Variants in OTULINL observed in about 807,000 individuals in gnomAD.
The protein encoded by OTULINL is OTU deubiquitinase with linear linkage specificity like.
In OTULINL, 42 loss-of-function variants were observed where a neutral mutation model predicts 43.9. The ratio of observed to expected loss-of-function variants is 0.96; its 90% CI spans 0.75 to 1.24. The LOEUF (loss-of-function observed/expected upper bound fraction) is 1.24. OTULINL is among the 50% of genes most tolerant of loss of function. OTULINL has a pLI of 0.00. For synonymous variants in OTULINL, 172 were observed against 153.6 expected (o/e 1.12, Z -0.88); for missense variants, 411 against 426.4 (o/e 0.96, Z 0.32).
intron 1 of OTULINL, among the ~76,000 whole-genome samples, chr5:14,593,559 A>G (rs1389767795): frequency 2.0e-5 from 3 of 152,188 alleles, no homozygotes; most frequent in South Asian, 2.1e-4. Flanking sequence ...CTCCACGGGG[A>G]AGGAATTACA....
At chr5:14,592,167 T>A (rs1759216113) in intron 1 of OTULINL, among the ~76,000 whole-genome samples, 1 of 152,158 alleles carries the variant, frequency 6.6e-6, no homozygotes, top group Non-Finnish European at 1.5e-5. Context: ...GTCCTGGGGA[T>A]CACACCCAGG....
intron 7 of OTULINL, among the ~76,000 whole-genome samples, chr5:14,609,230 G>A (rs1335041619): frequency 1.3e-5 from 2 of 152,196 alleles, no homozygotes; most frequent in African/African-American, 4.8e-5. Flanking sequence ...TCTAGCCAGA[G>A]AGCACCAATT....
intron 5 of OTULINL, among the ~76,000 whole-genome samples, chr5:14,603,684 G>C (rs112096968): frequency 4.0e-5 from 6 of 151,652 alleles, no homozygotes; most frequent in African/African-American, 1.2e-4. Context: ...TTAAATTATT[G>C]AGTCTTGAGA....
At chr5:14,607,175 A>C (rs1489703774) in intron 5 of OTULINL, among the ~76,000 whole-genome samples, 155 bp from the exon 6 acceptor site, 2 of 152,298 alleles carry the variant, frequency 1.3e-5, no homozygotes, top group East Asian at 3.9e-4. Flanking sequence ...GGTTGCAGTA[A>C]GCCGAGATCA....
chr5:14,582,670 C>A (rs1023876409), intron 1 of OTULINL, among the ~76,000 whole-genome samples: 6 of 151,840 alleles, frequency 4.0e-5, no homozygotes, highest in African/African-American at 1.5e-4. Context: ...AAAAAATTAT[C>A]CGGGCATAGT....
intron 1 of OTULINL, among the ~76,000 whole-genome samples, chr5:14,595,717 A>G (rs140994975): frequency 7.4e-6 from 1 of 135,056 alleles, no homozygotes; most frequent in Non-Finnish European, 1.5e-5. Flanking sequence ...TTGAGTGATC[A>G]CAGATCAGAT....
Position 14,588,667 on chromosome 5 carries a change from G to T in OTULINL, c.64+6709G>T, listed in dbSNP as rs1024238074. Among the ~76,000 whole-genome samples the T allele has an allele frequency of 3.3e-5, 5 of 152,326 alleles. No individual in the cohort carries two copies. In the South Asian group the frequency reaches 6.2e-4, roughly 19 times the overall value. ...CCCCAGGGCTGGGATGATCTCCATG[G>T]TGTCAGGGCCCCAGGCTCCTTCCAC... On this transcript the variant is annotated intron_variant, in intron 1 of 7. Transcript: ENST00000274217.
At chr5:14,587,284 C>G (rs1759116174) in intron 1 of OTULINL, among the ~76,000 whole-genome samples, 1 of 152,326 alleles carries the variant, frequency 6.6e-6, no homozygotes, top group Middle Eastern at 3.4e-3. Context: ...TGCTGTGTGT[C>G]TTCCGAATGC....
chr5:14,600,679 G>A (rs766643373), intron 1 of OTULINL, among the ~76,000 whole-genome samples: 8 of 152,098 alleles, frequency 5.3e-5, no homozygotes, highest in Non-Finnish European at 1.0e-4. Context: ...CAGGTTTTGA[G>A]TTCAAGTCTG....
intron 1 of OTULINL, among the ~76,000 whole-genome samples, chr5:14,600,204 G>A (rs1759361184): frequency 6.6e-6 from 1 of 152,056 alleles, no homozygotes; most frequent in South Asian, 2.1e-4. Context: ...TTTTATAAGG[G>A]GCTTTCCCCC....
In OTULINL at chr5:14,583,274, A is replaced by G. The variant is rs140711986; in HGVS notation, c.64+1316A>G. On this transcript the variant is annotated intron_variant, in intron 1 of 7. Coordinates refer to ENST00000274217, the MANE Select transcript of OTULINL (RefSeq NM_019018.3). ...TTAGCTGATCCAGGCAGCCCCTCCC[A>G]GTGGAGAAGAACTCTGTCCTACCTC... Among the ~76,000 whole-genome samples, 810 of 152,318 alleles carry G rather than the reference A, an allele frequency of 5.3e-3. 6 individuals carry two copies. Among genetic ancestry groups the G allele is most frequent in the African/African-American group, 0.019 (772 of 41,572 alleles).
chr5:14,604,933 G>A (rs1365900817), intron 5 of OTULINL, among the ~76,000 whole-genome samples: 2 of 152,168 alleles, frequency 1.3e-5, no homozygotes, highest in Non-Finnish European at 2.9e-5. Flanking sequence ...GCAAGGTGTT[G>A]GTGGTTCTAC....
In OTULINL at chr5:14,608,881, T is replaced by G. The variant is rs1579928489; in HGVS notation, c.761T>G (p.Val254Gly). Residue 254 changes from valine to glycine, a missense_variant, in exon 7 of 8, where the codon GTT becomes GGT. By Grantham distance (109) the Val-to-Gly change is moderately radical (BLOSUM62 -3). Transcript: ENST00000274217. ...ATCATGCTGTATCAAGTCACTGAAG[T>G]TTATGAACAAATGAAGACTAAAAAG... The part of the protein sequence containing the change: ...KFIMLYQVTE[V>G]YEQMKTKKVI... The G allele has an allele frequency of 1.2e-6, 2 of 1,614,164 alleles. No individual in the cohort carries two copies. Among genetic ancestry groups the G allele is most frequent in the East Asian group, 4.5e-5 (2 of 44,880 alleles).
intron 4 of OTULINL, 129 bp from the exon 5 acceptor site, chr5:14,602,054 T>C: frequency 1.5e-6 from 1 of 651,760 alleles, no homozygotes. Context: ...TGCGGTCATA[T>C]TCGTAATTTA....
intron 1 of OTULINL, among the ~76,000 whole-genome samples, 190 bp downstream of exon 1, chr5:14,582,148 C>T (rs888143595): frequency 7.2e-5 from 11 of 152,214 alleles, no homozygotes; most frequent in African/African-American, 2.6e-4. Context: ...GGGGCTGCAC[C>T]CCCACTCGGG....
At chr5:14,597,313 C>G (rs1759303976) in intron 1 of OTULINL, among the ~76,000 whole-genome samples, 1 of 152,136 alleles carries the variant, frequency 6.6e-6, no homozygotes, top group Non-Finnish European at 1.5e-5. Flanking sequence ...GTAAGAGTGA[C>G]CATGCACTGA....
intron 5 of OTULINL, among the ~76,000 whole-genome samples, chr5:14,604,035 T>C (rs529107011): frequency 1.3e-5 from 2 of 152,090 alleles, no homozygotes; most frequent in South Asian, 2.1e-4. Flanking sequence ...GACAAAGATA[T>C]AAAAATACAA....
chr5:14,591,578 G>A (rs1226686315), intron 1 of OTULINL, among the ~76,000 whole-genome samples: 1 of 152,172 alleles, frequency 6.6e-6, no homozygotes, highest in East Asian at 1.9e-4. Context: ...TAGTAGGGGA[G>A]CCAGAACCCC....
Position 14,613,140 on chromosome 5 carries a change from C to A in OTULINL, c.*2826C>A, listed in dbSNP as rs1759610379. ...GGTTTCACCATTTAGCCAGGCTGAT[C>A]TGAACTCCTGACCTTGGGCGATCCG... On this transcript the variant is annotated 3_prime_UTR_variant, in exon 8 of 8. Coordinates refer to ENST00000274217, the MANE Select transcript of OTULINL (RefSeq NM_019018.3). Among the ~76,000 whole-genome samples the A allele has an allele frequency of 6.6e-6, 1 of 152,132 alleles. No individual in the cohort carries two copies. The highest frequency in any genetic ancestry group is 1.5e-5 in the Non-Finnish European group (1 of 68,030).
Sources: gnomAD v4.1 joint callset for allele counts (sites outside exome capture counted in the v4.1 genomes callset) on GRCh38, gnomAD v4.1.1 for gene constraint, MANE v1.5 for transcripts, NCBI Gene and HGNC (gene_info 2026-07-23, HGNC 2026-07-21) for gene names.